The following TAPT1 variants were observed in gnomAD, a reference collection of about 807,000 sequenced individuals.
The protein encoded by TAPT1 is transmembrane anterior posterior transformation 1.
In TAPT1, 28 loss-of-function variants were observed where a neutral mutation model predicts 65.6. The ratio of observed to expected loss-of-function variants is 0.43; its 90% CI spans 0.32 to 0.59. The LOEUF (loss-of-function observed/expected upper bound fraction) is 0.59, where lower values mean the gene tolerates loss of function less well. Among genes scored for constraint, TAPT1 ranks in the 20% least tolerant of loss-of-function variants. The probability of loss-of-function intolerance (pLI) is 0.09; values close to 1 mark genes in which losing one functional copy is unlikely to be tolerated. For synonymous variants in TAPT1, 278 were observed against 245.2 expected, an observed-to-expected ratio of 1.13 and a Z score of -1.25; for missense variants, 563 against 679.9, an observed-to-expected ratio of 0.83 and a Z score of 1.91.
chr4:16,200,314 T>C (rs1420832594), intron 3 of TAPT1, among the ~76,000 whole-genome samples: 5 of 152,070 alleles, frequency 3.3e-5, no homozygotes, highest in African/African-American at 1.2e-4. Flanking sequence ...AAGCCCTACA[T>C]AGTATTAGTT....
rs560360285 is a variant in TAPT1, at chr4:16,177,568, C to T, written c.998-1340G>A. Among the ~76,000 whole-genome samples, 160 of 152,282 alleles carry T rather than the reference C, an allele frequency of 1.1e-3. 1 individual carries two copies. The highest frequency in any genetic ancestry group is 8.7e-3 in the South Asian group (42 of 4,822). ...CGCCGATAAGCTCTGCTACTAACTG[C>T]TATATGACCTTGGACAAGTTTTTTT... On this transcript the variant is annotated intron_variant, in intron 8 of 13. Coordinates refer to ENST00000405303, the MANE Select transcript of TAPT1 (RefSeq NM_153365.3).
chr4:16,167,668 C>T (rs1416723682), intron 12 of TAPT1, among the ~76,000 whole-genome samples: 5 of 152,144 alleles, frequency 3.3e-5, no homozygotes, highest in African/African-American at 1.2e-4. Context: ...ATCAGCTAAT[C>T]TGGAAAGGAG....
chr4:16,161,107 A>G lies in TAPT1; in HGVS notation c.*2201T>C, dbSNP rs1747220242. Reference sequence around the variant, plus strand: ...TTTGCTGAGAAATATTAAATGGTCTATAATCAAGGCCGAGCCTATTTTTTC... The same window carrying G: ...TTTGCTGAGAAATATTAAATGGTCTGTAATCAAGGCCGAGCCTATTTTTTC... On this transcript the variant is annotated 3_prime_UTR_variant, in exon 14 of 14. Transcript: ENST00000405303. 1 of 152,670 alleles carries G rather than the reference A, an allele frequency of 6.6e-6. No homozygotes were observed. The highest frequency in any genetic ancestry group is 1.5e-5 in the Non-Finnish European group (1 of 68,044). The allele number at this position is 152,670 out of a possible 1,614,324, so 9.5% of individuals were successfully genotyped here.
rs746880629 is a variant in TAPT1, at chr4:16,186,764, A to G, written c.846+17T>C. On this transcript the variant is annotated intron_variant, in intron 6 of 13. Coordinates refer to ENST00000405303, the MANE Select transcript of TAPT1 (RefSeq NM_153365.3). ...GCCTGTATAACTTCAAAAATGTAAG[A>G]TAAATCTCATACTTACATTATTAGA... 2 of 1,541,940 alleles carry G rather than the reference A, an allele frequency of 1.3e-6. No individual in the cohort carries two copies. The highest frequency in any genetic ancestry group is 1.4e-5 in the African/African-American group (1 of 73,176).
chr4:16,182,109 TAC>T (rs1264069609), intron 7 of TAPT1, among the ~76,000 whole-genome samples: 1 of 152,202 alleles, frequency 6.6e-6, no homozygotes, highest in Non-Finnish European at 1.5e-5. Context: ...GTTTTATTCT[TAC>T]ACTTTCACAA....
chr4:16,213,990 A>G (rs1227882432), intron 1 of TAPT1, 92 bp from the exon 2 acceptor site: 2 of 1,041,848 alleles, frequency 1.9e-6, no homozygotes, highest in African/African-American at 3.3e-5. Context: ...TACATATAAA[A>G]CAAAGAGACC....
At chr4:16,176,464 G>A in intron 8 of TAPT1, 1 of 267,282 alleles carries the variant, frequency 3.7e-6, no homozygotes, top group Non-Finnish European at 7.0e-6. Flanking sequence ...TGTAATCCCA[G>A]CATTTTGGAT....
At chr4:16,166,507 C>A in intron 13 of TAPT1, 126 bp downstream of exon 13, 1 of 1,155,892 alleles carries the variant, frequency 8.7e-7, no homozygotes, top group East Asian at 2.4e-5. Flanking sequence ...TAAAACACAA[C>A]CATTAAAAGA....
chr4:16,167,426 CAT>C (rs1341045636), intron 12 of TAPT1, among the ~76,000 whole-genome samples: 1 of 152,222 alleles, frequency 6.6e-6, no homozygotes, highest in Non-Finnish European at 1.5e-5. Flanking sequence ...AATAAAATTA[CAT>C]GATTCCACAC....
chr4:16,226,427 C>G lies in TAPT1; in HGVS notation c.31G>C (p.Gly11Arg), dbSNP rs1343254084. Reference protein sequence around the residue: MAGVGDAAAPGEGGGGGVDGP... With the variant: MAGVGDAAAPREGGGGGVDGP... ...TCCACGCCGCCACCGCCGCCTTCTCCCGGAGCGGCCGCGTCGCCGACGCCC... is the reference window on the plus strand; with the variant it reads ...TCCACGCCGCCACCGCCGCCTTCTCGCGGAGCGGCCGCGTCGCCGACGCCC... The change falls in exon 1 of 14, where the codon GGA (glycine) becomes CGA (arginine). Residue 11 changes from glycine (G) to arginine (R), a missense_variant. By Grantham distance (125) the Gly-to-Arg change is moderately radical. Around this residue, in one of 5 missense-constraint regions of TAPT1, gnomAD observed 103 missense variants for 89.4 expected, o/e 1.15. Coordinates refer to ENST00000405303, the MANE Select transcript of TAPT1 (RefSeq NM_153365.3). The G allele has an allele frequency of 9.3e-7, 1 of 1,080,510 alleles. No homozygotes were observed. The highest frequency in any genetic ancestry group is 1.7e-5 in the African/African-American group (1 of 58,964). 66.9% of individuals were successfully genotyped at this position (1,080,510 alleles called of 1,614,324 possible).
At chr4:16,188,019 AAGAG>A (rs1749124600) in intron 5 of TAPT1, among the ~76,000 whole-genome samples, 197 bp downstream of exon 5, 1 of 152,206 alleles carries the variant, frequency 6.6e-6, no homozygotes, top group Non-Finnish European at 1.5e-5. Context: ...CAGCAGCTCA[AAGAG>A]TAATGCCTAC....
chr4:16,179,781 T>A, intron 7 of TAPT1, 124 bp from the exon 8 acceptor site: 1 of 477,938 alleles, frequency 2.1e-6, no homozygotes, highest in Non-Finnish European at 3.7e-6. Flanking sequence ...TCTATAAATA[T>A]ACAACTTTAT....
chr4:16,170,814 C>A (rs140300916), intron 11 of TAPT1, 85 bp from the exon 12 acceptor site: 2 of 1,030,624 alleles, frequency 1.9e-6, no homozygotes, highest in African/African-American at 1.6e-5. Context: ...AAAAAGATTT[C>A]TCCATGCTGA....
chr4:16,208,654 G>GT (rs35570312), intron 2 of TAPT1, among the ~76,000 whole-genome samples: 37,664 of 152,104 alleles, frequency 0.25, 5,504 homozygotes, highest in East Asian at 0.33. Context: ...ACTTGGGTCC[G>GT]TGACAGCTTC....
chr4:16,221,034 G>A (rs747723888), intron 1 of TAPT1, among the ~76,000 whole-genome samples: 8 of 149,046 alleles, frequency 5.4e-5, no homozygotes, highest in Admixed American at 6.7e-5. Context: ...GTGCCCAGCC[G>A]TCAACTGTGA....
intron 5 of TAPT1, 131 bp from the exon 6 acceptor site, chr4:16,187,009 C>T (rs1392880152): frequency 3.3e-6 from 2 of 603,422 alleles, no homozygotes; most frequent in African/African-American, 3.7e-5. Flanking sequence ...GTATTATCTT[C>T]ATAATTTCCC....
At chr4:16,184,139 A>C (rs1748867850) in intron 7 of TAPT1, among the ~76,000 whole-genome samples, 1 of 152,216 alleles carries the variant, frequency 6.6e-6, no homozygotes, top group African/African-American at 2.4e-5. Context: ...TACAGAAAGA[A>C]GTTCCATCAT....
intron 12 of TAPT1, among the ~76,000 whole-genome samples, chr4:16,168,051 A>AGTATGGGAAG (rs1262596834): frequency 3.3e-5 from 5 of 152,176 alleles, no homozygotes; most frequent in Admixed American, 2.6e-4. Flanking sequence ...TCTGGAAAAA[A>AGTATGGGAAG]GTATGGGAAG....
In TAPT1 at chr4:16,213,658, T is replaced by C. The variant is rs146662889; in HGVS notation, c.330+110A>G. On this transcript the variant is annotated intron_variant, in intron 2 of 13. Coordinates refer to ENST00000405303, the MANE Select transcript of TAPT1 (RefSeq NM_153365.3). ...GAAATTTCTACTCCCCCAATAACAT[T>C]ATTTCAATTATTTAAAAAACTCAAC... 1,954 of 977,924 alleles carry C rather than the reference T, an allele frequency of 2.0e-3. 6 individuals carry two copies. The highest frequency in any genetic ancestry group is 2.6e-3 in the Non-Finnish European group (1,846 of 705,792). The allele number at this position is 977,924 out of a possible 1,614,324, so 60.6% of individuals were successfully genotyped here.
Sources: gnomAD v4.1 joint callset for allele counts (sites outside exome capture counted in the v4.1 genomes callset) on GRCh38, gnomAD v4.1.1 for gene constraint, gnomAD v4.1.1 regional missense constraint, MANE v1.5 for transcripts, NCBI Gene and HGNC (gene_info 2026-07-23, HGNC 2026-07-21) for gene names.